The following ZW10 variants were observed in gnomAD, a reference collection of about 807,000 sequenced individuals.
The protein encoded by ZW10 is centromere/kinetochore protein zw10 homolog.
Under a neutral mutation model 87.8 loss-of-function variants are expected in ZW10, and 53 were observed. The observed-to-expected ratio is 0.60, with a 90% CI of 0.48 to 0.76. The LOEUF is 0.76. Among genes scored for constraint, ZW10 ranks in the 30% least tolerant of loss-of-function variants. ZW10 has a pLI of 0.00. For synonymous variants in ZW10, 312 were observed against 329.2 expected (o/e 0.95, Z 0.57); for missense variants, 837 against 923.0 (o/e 0.91, Z 1.21).
intron 15 of ZW10, among the ~76,000 whole-genome samples, chr11:113,735,499 C>T (rs768055617): frequency 6.6e-6 from 1 of 151,350 alleles, no homozygotes; most frequent in African/African-American, 2.4e-5. Flanking sequence ...TTGCAGCAAA[C>T]AACTCAGACA....
intron 7 of ZW10, among the ~76,000 whole-genome samples, chr11:113,754,262 A>G (rs1477782144): frequency 6.6e-6 from 1 of 152,180 alleles, no homozygotes; most frequent in African/African-American, 2.4e-5. Context: ...AGGCAGGTGG[A>G]CTTCTTGAGG....
At chr11:113,734,927 G>T (rs1953532429) in intron 15 of ZW10, among the ~76,000 whole-genome samples, 1 of 152,030 alleles carries the variant, frequency 6.6e-6, no homozygotes, top group African/African-American at 2.4e-5. Context: ...TGTTATTTAG[G>T]ATACATGTAA....
intron 7 of ZW10, among the ~76,000 whole-genome samples, chr11:113,750,141 A>T (rs535638858): frequency 1.3e-4 from 20 of 152,330 alleles, no homozygotes; most frequent in African/African-American, 4.6e-4. Context: ...TACTATTGAT[A>T]CAGTCAAGTG....
rs779342748 is a variant in ZW10 at position 113,741,717 on chromosome 11, A to C, written c.1560T>G (p.His520Gln). The change falls in exon 11 of 16, where the codon CAT (histidine) becomes CAG (glutamine). Residue 520 changes from histidine (H) to glutamine (Q), a missense_variant. His to Gln is a conservative substitution (Grantham distance 24). Coordinates refer to ENST00000200135, the MANE Select transcript of ZW10 (RefSeq NM_004724.4). The stretch of plus-strand genomic sequence containing the variant: ...ACTTGTGATATGTTGGTACAACATC[A>C]TGGAACAAATGGAAGATATTCCTCA... ...YSVRNIFHLF[H>Q]DVVPTYHKEN... 1.2e-6 allele frequency: 2 copies of C among 1,607,810 alleles called. No individual in the cohort carries two copies. The highest frequency in any genetic ancestry group is 2.7e-5 in the African/African-American group (2 of 74,758).
Position 113,760,307 on chromosome 11 carries a change from G to T in ZW10, c.482C>A (p.Ser161Tyr). ...RKCFDLKILK[S>Y]LSMELTIQKQ... ...CTGTATTGTGAGCTCCATGCTGAGA[G>T]ATTTCAATATTTTTAAATCAAAGCA... is the stretch of plus-strand genomic sequence containing the variant. Residue 161 changes from serine to tyrosine, a missense_variant, in exon 5 of 16, where the codon TCT (serine) becomes TAT (tyrosine). By Grantham distance (144) the Ser-to-Tyr change is moderately radical (BLOSUM62 -2). Transcript: ENST00000200135. 6.2e-7 allele frequency: 1 copy of T among 1,614,058 alleles called. No homozygotes were observed. The highest frequency in any genetic ancestry group is 8.5e-7 in the Non-Finnish European group (1 of 1,179,980).
At chr11:113,742,132 G>C (rs1295375984) in intron 10 of ZW10, among the ~76,000 whole-genome samples, 1 of 152,134 alleles carries the variant, frequency 6.6e-6, no homozygotes, top group Non-Finnish European at 1.5e-5. Context: ...CTCTGCAAAG[G>C]GCAAGGTATC....
At chr11:113,769,270 T>G (rs1470718516) in intron 1 of ZW10, among the ~76,000 whole-genome samples, 1 of 149,510 alleles carries the variant, frequency 6.7e-6, no homozygotes, top group Non-Finnish European at 1.5e-5. Flanking sequence ...AGGAAGACAA[T>G]GATCACCAAA....
At chr11:113,768,510 T>G (rs2459970) in intron 2 of ZW10, among the ~76,000 whole-genome samples, 1 of 152,018 alleles carries the variant, frequency 6.6e-6, no homozygotes, top group African/African-American at 2.4e-5. Context: ...AAATGCACTC[T>G]GGGGATATTT....
intron 2 of ZW10, among the ~76,000 whole-genome samples, chr11:113,766,404 CTCACGCCTGTAAT>C (rs1196059200): frequency 6.6e-6 from 1 of 152,080 alleles, no homozygotes; most frequent in Non-Finnish European, 1.5e-5. Context: ...GGCGCGGTGG[CTCACGCCTGTAAT>C]CCCAGCACTT....
At chr11:113,763,158 CT>C (rs1465051020) in intron 2 of ZW10, among the ~76,000 whole-genome samples, 2 of 152,162 alleles carry the variant, frequency 1.3e-5, no homozygotes, top group Admixed American at 6.6e-5. Flanking sequence ...AGGATGGTGG[CT>C]TCCAGCTTCA....
In ZW10 at chr11:113,760,813, T is replaced by A. The variant is rs1183720454; in HGVS notation, c.342+4A>T. 4 of 1,613,334 alleles carry A rather than the reference T, an allele frequency of 2.5e-6. No individual in the cohort carries two copies. The East Asian group carries it at 8.9e-5, about 36-fold the overall frequency. The stretch of plus-strand genomic sequence containing the variant: ...ACACTAAGGTTCAAGTTGAGTTTAC[T>A]GACCTCCTGCAACTGTTTAAGCAAA... On this transcript the variant is annotated splice_donor_region_variant and intron_variant, in intron 3 of 15. Coordinates refer to ENST00000200135, the MANE Select transcript of ZW10 (RefSeq NM_004724.4).
Position 113,743,895 on chromosome 11 carries a change from G to A in ZW10, c.1418C>T (p.Ser473Phe). The change falls in exon 10 of 16, where the codon TCC becomes TTC. Residue 473 changes from serine (S) to phenylalanine (F), a missense_variant. Ser to Phe is a radical substitution (Grantham distance 155, BLOSUM62 -2). Coordinates refer to ENST00000200135, the MANE Select transcript of ZW10 (RefSeq NM_004724.4). ...CTCACTGATACGGCATGTGGGCAAGGAAAAGGAATGTTGGTCCAATGTATT... is the reference window on the plus strand; with the variant it reads ...CTCACTGATACGGCATGTGGGCAAGAAAAAGGAATGTTGGTCCAATGTATT... ...PENTLDQHSF[S>F]LPTCRISESV... 6.2e-7 allele frequency: 1 copy of A among 1,614,116 alleles called. No individual in the cohort carries two copies. The highest frequency in any genetic ancestry group is 1.3e-5 in the African/African-American group (1 of 75,036).
In ZW10 at chr11:113,744,087, A is replaced by C. The variant is rs1591411922; in HGVS notation, c.1273-47T>G. ...ACAGAAAATATATTGTTTTCAGAAT[A>C]ATTCAAATATAAGCACACGGCCGGG... is the stretch of plus-strand genomic sequence containing the variant. On this transcript the variant is annotated intron_variant, in intron 9 of 15. Coordinates refer to ENST00000200135, the MANE Select transcript of ZW10 (RefSeq NM_004724.4). 7 of 1,504,980 alleles carry C rather than the reference A, an allele frequency of 4.7e-6. No homozygotes were observed. The East Asian group carries it at 1.6e-4, about 35-fold the overall frequency. The allele number at this position is 1,504,980 out of a possible 1,614,324, so 93.2% of individuals were successfully genotyped here.
chr11:113,760,767 T>G, intron 3 of ZW10, 50 bp downstream of exon 3: 3 of 1,515,322 alleles, frequency 2.0e-6, no homozygotes, highest in Middle Eastern at 1.7e-4. Flanking sequence ...CATTGACTAA[T>G]GAGACCTTCC....
At chr11:113,762,326 G>A (rs865861015) in intron 2 of ZW10, among the ~76,000 whole-genome samples, 111 of 152,296 alleles carry the variant, frequency 7.3e-4, no homozygotes, top group African/African-American at 2.5e-3. Context: ...AATGTAAGTT[G>A]CAGGACTAGA....
chr11:113,764,436 A>C (rs1402099842), intron 2 of ZW10, among the ~76,000 whole-genome samples: 1 of 152,164 alleles, frequency 6.6e-6, no homozygotes, highest in Non-Finnish European at 1.5e-5. Flanking sequence ...TGAATCTATA[A>C]ATTGCTTATG....
At chr11:113,744,688 C>G (rs550965792) in intron 9 of ZW10, among the ~76,000 whole-genome samples, 2 of 152,130 alleles carry the variant, frequency 1.3e-5, no homozygotes, top group South Asian at 2.1e-4. Context: ...TCCCATGTAG[C>G]TGGGACTACA....
intron 2 of ZW10, among the ~76,000 whole-genome samples, chr11:113,764,634 A>G (rs1173441430): frequency 2.0e-5 from 3 of 152,188 alleles, no homozygotes; most frequent in Non-Finnish European, 2.9e-5. Flanking sequence ...GTTAAAAACT[A>G]AGACACAAAC....
rs543576627 is a variant in ZW10, at chr11:113,754,706, T to C, written c.925+2956A>G. On this transcript the variant is annotated intron_variant, in intron 7 of 15. Coordinates refer to ENST00000200135, the MANE Select transcript of ZW10 (RefSeq NM_004724.4). ...CACTGCAGCCTCCAACTGGGCTCAA[T>C]TGATCCTCCTGCCTCAGCTTACCAA... Among the ~76,000 whole-genome samples the C allele has an allele frequency of 3.0e-4, 45 of 152,222 alleles. 1 individual carries two copies. Among genetic ancestry groups the C allele is most frequent in the Admixed American group, 1.7e-3 (26 of 15,292 alleles).
Sources: gnomAD v4.1 joint callset for allele counts (sites outside exome capture counted in the v4.1 genomes callset) on GRCh38, gnomAD v4.1.1 for gene constraint, MANE v1.5 for transcripts, NCBI Gene and HGNC (gene_info 2026-07-23, HGNC 2026-07-21) for gene names.